The following HERC1 variants were observed in gnomAD, a reference collection of about 807,000 sequenced individuals.
HERC1 encodes HECT and RLD domain containing E3 ubiquitin protein ligase family member 1.
A neutral mutation model predicts 554.3 loss-of-function variants in HERC1; 160 were observed. The ratio of observed to expected loss-of-function variants is 0.29; its 90% CI spans 0.25 to 0.33. The LOEUF (loss-of-function observed/expected upper bound fraction) is 0.33. HERC1 is among the 10% of genes least tolerant of loss of function. The probability of loss-of-function intolerance (pLI) is 1.00; values close to 1 mark genes in which losing one functional copy is unlikely to be tolerated. For synonymous variants in HERC1, 2,175 were observed against 2,131.7 expected, an observed-to-expected ratio of 1.02 and a Z score of -0.56; for missense variants, 4,919 against 5,918.5, an observed-to-expected ratio of 0.83 and a Z score of 5.54.
chr15:63,761,563 T>C (rs1448843905), intron 3 of HERC1, among the ~76,000 whole-genome samples: 10 of 142,298 alleles, frequency 7.0e-5, no homozygotes, highest in Non-Finnish European at 1.5e-4. Flanking sequence ...CACTCTAGCC[T>C]GGGCAACAGA....
At chr15:63,827,010 G>A (rs1483801988) in intron 1 of HERC1, among the ~76,000 whole-genome samples, 2 of 151,360 alleles carry the variant, frequency 1.3e-5, no homozygotes, top group South Asian at 2.1e-4. Flanking sequence ...TTGAAGATAC[G>A]GTTCTAACGA....
intron 39 of HERC1, among the ~76,000 whole-genome samples, chr15:63,670,268 T>C (rs944824366): frequency 3.9e-5 from 6 of 152,178 alleles, no homozygotes; most frequent in African/African-American, 1.4e-4. Context: ...AGGCAGCCCC[T>C]TCTCCGATGA....
intron 51 of HERC1, among the ~76,000 whole-genome samples, chr15:63,653,073 T>C (rs1369544574): frequency 6.6e-6 from 1 of 152,262 alleles, no homozygotes; most frequent in Non-Finnish European, 1.5e-5. Context: ...TTACTAAATA[T>C]GTTTACTTAA....
intron 40 of HERC1, among the ~76,000 whole-genome samples, chr15:63,667,483 C>T (rs959238618): frequency 6.6e-6 from 1 of 151,770 alleles, no homozygotes; most frequent in African/African-American, 2.4e-5. Context: ...ATACACTGGA[C>T]ATTAACAGAA....
At chr15:63,702,345 C>T (rs2072763986) in intron 25 of HERC1, among the ~76,000 whole-genome samples, 1 of 152,142 alleles carries the variant, frequency 6.6e-6, no homozygotes, top group African/African-American at 2.4e-5. Context: ...ATGAAACACA[C>T]ATGTTGATAA....
intron 1 of HERC1, among the ~76,000 whole-genome samples, chr15:63,810,234 A>G (rs1366954768): frequency 6.6e-6 from 1 of 152,234 alleles, no homozygotes; most frequent in Non-Finnish European, 1.5e-5. Flanking sequence ...TAATAGGAGC[A>G]TTATTCATAA....
chr15:63,766,401 A>T (rs1001419630), intron 2 of HERC1, among the ~76,000 whole-genome samples: 11 of 152,102 alleles, frequency 7.2e-5, no homozygotes, highest in African/African-American at 2.7e-4. Flanking sequence ...CAGCCTGGCC[A>T]ACATGGTAAA....
At chr15:63,650,591 C>A (rs1382818958) in intron 53 of HERC1, among the ~76,000 whole-genome samples, 1 of 151,914 alleles carries the variant, frequency 6.6e-6, no homozygotes, top group Non-Finnish European at 1.5e-5. Flanking sequence ...CTGTCTGTAA[C>A]TATTAATAGG....
Position 63,694,475 on chromosome 15 carries a change from C to G in HERC1, c.5317G>C (p.Ala1773Pro). The change falls in exon 29 of 78, where the codon GCA becomes CCA. Residue 1773 changes from alanine (A) to proline (P), a missense_variant. Physicochemically the swap from Ala to Pro is conservative, Grantham distance 27 (BLOSUM62 -1). Coordinates refer to ENST00000443617, the MANE Select transcript of HERC1 (RefSeq NM_003922.4). The surrounding 1 kb of genome is among the most constrained non-coding windows in gnomAD (Gnocchi z 4.3). ...VHYQPVDVSL[A>P]ISTGLLNVLS... ...ACGTTTAGCAGACCAGTGGAAATTG[C>G]CAAAGAAACATCTACTGGTTGATAA... 1 of 1,613,908 alleles carries G rather than the reference C, an allele frequency of 6.2e-7. No homozygotes were observed.
At chr15:63,657,902 T>C (rs1202851880) in intron 48 of HERC1, among the ~76,000 whole-genome samples, 1 of 152,220 alleles carries the variant, frequency 6.6e-6, no homozygotes, top group African/African-American at 2.4e-5. Context: ...TCTCTATTGC[T>C]CTACAGTGTG....
At chr15:63,810,707 A>T (rs1028172947) in intron 1 of HERC1, among the ~76,000 whole-genome samples, 12 of 152,332 alleles carry the variant, frequency 7.9e-5, no homozygotes, top group African/African-American at 2.4e-4. Context: ...AGGAGAGACA[A>T]CTTTCACGTG....
At position 63,737,319 on chromosome 15, in the gene HERC1, C is replaced by T. The variant is rs572825085; in HGVS notation, c.2521-2470G>A. Among the ~76,000 whole-genome samples the T allele has an allele frequency of 1.2e-4, 17 of 146,912 alleles. 1 individual carries two copies. In the East Asian group the frequency reaches 3.0e-3, roughly 26 times the overall value. On this transcript the variant is annotated intron_variant, in intron 12 of 77. Coordinates refer to ENST00000443617, the MANE Select transcript of HERC1 (RefSeq NM_003922.4). ...AGAGAGAAAGAAAGAACACAGAAAA[C>T]AATGAAGAAGAAATCAACAAAACAC...
chr15:63,774,078 CAG>C (rs1042276233), intron 2 of HERC1, among the ~76,000 whole-genome samples: 6 of 152,184 alleles, frequency 3.9e-5, no homozygotes, highest in Non-Finnish European at 7.3e-5. Context: ...TGTCACAATT[CAG>C]AGAGTCATCC....
At chr15:63,771,414 A>G (rs2075951736) in intron 2 of HERC1, among the ~76,000 whole-genome samples, 2 of 150,612 alleles carry the variant, frequency 1.3e-5, no homozygotes, top group Non-Finnish European at 3.0e-5. Context: ...GAATAGATCT[A>G]GAATTCTGAG....
At chr15:63,648,278 C>G in intron 54 of HERC1, 79 bp from the exon 55 acceptor site, 1 of 1,375,570 alleles carries the variant, frequency 7.3e-7, no homozygotes, top group Non-Finnish European at 9.9e-7. Context: ...GACTTTGAAA[C>G]AAATAATGAT....
chr15:63,791,475 C>T (rs575887367), intron 1 of HERC1, among the ~76,000 whole-genome samples: 1 of 152,212 alleles, frequency 6.6e-6, no homozygotes, highest in South Asian at 2.1e-4. Flanking sequence ...AAGGGATGAT[C>T]TTTTTCAAAA....
intron 2 of HERC1, among the ~76,000 whole-genome samples, chr15:63,770,237 G>A (rs2075909663): frequency 6.6e-6 from 1 of 152,098 alleles, no homozygotes; most frequent in Admixed American, 6.6e-5. Flanking sequence ...CACAATTGCT[G>A]GCAAAACCCT....
chr15:63,829,457 TGTGC>T (rs2078055001), intron 1 of HERC1, among the ~76,000 whole-genome samples: 1 of 110,158 alleles, frequency 9.1e-6, no homozygotes, highest in South Asian at 2.8e-4. Context: ...TGTGTGTGTG[TGTGC>T]ACATATATGT....
intron 74 of HERC1, among the ~76,000 whole-genome samples, chr15:63,617,627 A>G (rs1254221221): frequency 6.6e-6 from 1 of 152,220 alleles, no homozygotes; most frequent in Non-Finnish European, 1.5e-5. Context: ...TCCCACCAAC[A>G]GTGTAAAAGT....
Sources: gnomAD v4.1 joint callset for allele counts (sites outside exome capture counted in the v4.1 genomes callset) on GRCh38, gnomAD v4.1.1 for gene constraint, Gnocchi (gnomAD v3.1) non-coding constraint, MANE v1.5 for transcripts, NCBI Gene and HGNC (gene_info 2026-07-23, HGNC 2026-07-21) for gene names.